Variants in JCHAIN observed in about 807,000 individuals in gnomAD.
The protein encoded by JCHAIN is joining chain of multimeric IgA and IgM.
JCHAIN carries 5 observed loss-of-function variants against 11.1 expected under a neutral mutation model. The ratio of observed to expected loss-of-function variants is 0.45; its 90% CI spans 0.24 to 0.95. JCHAIN has a LOEUF of 0.95. Among genes scored for constraint, JCHAIN ranks in the 40% least tolerant of loss-of-function variants. The pLI, the probability that JCHAIN is intolerant of heterozygous loss-of-function variation, is 0.21. For missense variants in JCHAIN, 165 were observed against 192.7 expected, an observed-to-expected ratio of 0.86 and a Z score of 0.85; for synonymous variants, 51 against 67.8, an observed-to-expected ratio of 0.75 and a Z score of 1.22.
intron 2 of JCHAIN, 67 bp from the exon 3 acceptor site, chr4:70,657,358 G>C (rs2148527455): frequency 1.1e-6 from 1 of 930,242 alleles, no homozygotes; most frequent in Non-Finnish European, 1.7e-6. Context: ...TTGGTAATGA[G>C]TATACGGCCA....
Sources: allele counts gnomAD v4.1 joint callset, GRCh38; gene constraint gnomAD v4.1.1; transcripts MANE v1.5; gene names NCBI Gene and HGNC (gene_info 2026-07-23, HGNC 2026-07-21).